The following CEP85L variants were observed in gnomAD, a reference collection of about 807,000 sequenced individuals.
CEP85L encodes centrosomal protein 85L.
Under a neutral mutation model 100.3 loss-of-function variants are expected in CEP85L, and 60 were observed. The ratio of observed to expected loss-of-function variants is 0.60; its 90% CI spans 0.49 to 0.74. The LOEUF is 0.74. CEP85L is among the 30% of genes least tolerant of loss of function. The probability of loss-of-function intolerance (pLI) is 0.00; values close to 1 mark genes in which losing one functional copy is unlikely to be tolerated. For missense variants in CEP85L, 973 were observed against 936.2 expected, an observed-to-expected ratio of 1.04 and a Z score of -0.51; for synonymous variants, 319 against 322.7, an observed-to-expected ratio of 0.99 and a Z score of 0.12.
intron 1 of CEP85L, among the ~76,000 whole-genome samples, chr6:118,649,052 G>A (rs1302860622): frequency 1.3e-5 from 2 of 151,990 alleles, no homozygotes; most frequent in Non-Finnish European, 2.9e-5. Flanking sequence ...TCAACTCAGA[G>A]GTCATTATCT....
chr6:118,539,750 C>A (rs1342745547), intron 3 of CEP85L, among the ~76,000 whole-genome samples: 2 of 151,862 alleles, frequency 1.3e-5, no homozygotes, highest in Admixed American at 1.3e-4. Context: ...TGCTCTCCCT[C>A]CCCCCAAAAA....
At chr6:118,511,223 T>C (rs1008277378) in intron 5 of CEP85L, 75 bp downstream of exon 5, 6 of 883,260 alleles carry the variant, frequency 6.8e-6, no homozygotes, top group African/African-American at 3.4e-5. Flanking sequence ...TAAAATGTCC[T>C]TATATTACAA....
chr6:118,574,795 T>C (rs1780121472), intron 2 of CEP85L, among the ~76,000 whole-genome samples: 1 of 152,188 alleles, frequency 6.6e-6, no homozygotes, highest in Non-Finnish European at 1.5e-5. Context: ...AGTGTGTGAA[T>C]GAGACATACA....
chr6:118,561,789 AG>A (rs943798247), intron 3 of CEP85L, among the ~76,000 whole-genome samples: 2 of 152,296 alleles, frequency 1.3e-5, no homozygotes, highest in African/African-American at 4.8e-5. Context: ...TTAATTTTAT[AG>A]GGGTTTTTTT....
chr6:118,576,125 T>C (rs1313977075), intron 2 of CEP85L, among the ~76,000 whole-genome samples: 3 of 152,130 alleles, frequency 2.0e-5, no homozygotes, highest in African/African-American at 7.2e-5. Flanking sequence ...ATCTAAAAAA[T>C]CACCTAACCA....
At chr6:118,646,099 C>T (rs1019494373) in intron 1 of CEP85L, among the ~76,000 whole-genome samples, 1 of 152,222 alleles carries the variant, frequency 6.6e-6, no homozygotes. Context: ...CGCCCGTAGT[C>T]CCAGCTACTC....
intron 5 of CEP85L, chr6:118,501,871 C>A: frequency 1.6e-6 from 2 of 1,287,784 alleles, no homozygotes; most frequent in Non-Finnish European, 1.1e-6. Flanking sequence ...TCAAGAGTCC[C>A]AGCAAAGAAA....
At chr6:118,588,141 C>T (rs979020701) in intron 2 of CEP85L, among the ~76,000 whole-genome samples, 6 of 152,136 alleles carry the variant, frequency 3.9e-5, no homozygotes, top group Non-Finnish European at 5.9e-5. Context: ...CTGAATACAT[C>T]GGACAAAGGG....
chr6:118,690,558 G>C (rs750070526), intron 1 of CEP85L, among the ~76,000 whole-genome samples: 1 of 152,238 alleles, frequency 6.6e-6, no homozygotes, highest in Admixed American at 6.5e-5. Context: ...GGCCCAACCA[G>C]TTATGTAACT....
At chr6:118,640,515 A>G (rs1235841682) in intron 1 of CEP85L, among the ~76,000 whole-genome samples, 1 of 152,074 alleles carries the variant, frequency 6.6e-6, no homozygotes, top group South Asian at 2.1e-4. Flanking sequence ...ATGAACATGT[A>G]AAGTTTTTTG....
intron 3 of CEP85L, among the ~76,000 whole-genome samples, chr6:118,563,730 C>A (rs758874539): frequency 6.6e-6 from 1 of 152,146 alleles, no homozygotes; most frequent in Non-Finnish European, 1.5e-5. Context: ...GGATTACAGG[C>A]GTGCGCTACA....
At chr6:118,676,900 A>G (rs142005891) in intron 1 of CEP85L, among the ~76,000 whole-genome samples, 202 of 152,210 alleles carry the variant, frequency 1.3e-3, no homozygotes, top group African/African-American at 4.5e-3. Context: ...GTGTAAGACG[A>G]TATCTCATTG....
chr6:118,610,795 G>C (rs560219843), intron 2 of CEP85L, among the ~76,000 whole-genome samples: 1 of 152,088 alleles, frequency 6.6e-6, no homozygotes, highest in African/African-American at 2.4e-5. Context: ...CAATGGGGGA[G>C]GGAGGGCACA....
chr6:118,674,972 G>A (rs1186850974), intron 1 of CEP85L, among the ~76,000 whole-genome samples: 1 of 152,112 alleles, frequency 6.6e-6, no homozygotes, highest in Middle Eastern at 3.2e-3. Flanking sequence ...ATTTACCCAA[G>A]AGAAATAACA....
At chr6:118,695,454 A>G (rs1777174368) in intron 1 of CEP85L, among the ~76,000 whole-genome samples, 2 of 152,200 alleles carry the variant, frequency 1.3e-5, no homozygotes, top group Non-Finnish European at 2.9e-5. Context: ...ACATGCACCA[A>G]TACTTTTTTA....
At chr6:118,629,952 C>A (rs1226964216) in intron 2 of CEP85L, among the ~76,000 whole-genome samples, 2 of 152,192 alleles carry the variant, frequency 1.3e-5, no homozygotes, top group Non-Finnish European at 2.9e-5. Context: ...ACACCCCCTC[C>A]TGTTTTTATA....
rs142181741 is a variant in CEP85L, at chr6:118,645,330, A to G, written c.73+5867T>C. 3.8e-3 allele frequency among the ~76,000 whole-genome samples: 585 copies of G among 152,242 alleles called. 4 individuals carry two copies. Among genetic ancestry groups the G allele is most frequent in the African/African-American group, 0.013 (542 of 41,562 alleles). On this transcript the variant is annotated intron_variant, in intron 1 of 12. Transcript: ENST00000368491. ...TCTTTTCCTCTTAGTACTTAACACT[A>G]GCTGCATCATCTCACTATCTGTTTA...
chr6:118,474,068 G>A (rs1454601869), intron 10 of CEP85L, among the ~76,000 whole-genome samples: 2 of 152,100 alleles, frequency 1.3e-5, no homozygotes, highest in African/African-American at 4.8e-5. Flanking sequence ...TTTGCTTCTA[G>A]CATGACAGTG....
At chr6:118,533,036 T>C (rs13437314) in intron 3 of CEP85L, among the ~76,000 whole-genome samples, 4,399 of 152,078 alleles carry the variant, frequency 0.029, 108 homozygotes, top group African/African-American at 0.056. Context: ...ACTAAGCAGT[T>C]ATATTAGAAA....
Sources: allele counts gnomAD v4.1 joint callset (sites outside exome capture counted in the v4.1 genomes callset), GRCh38; gene constraint gnomAD v4.1.1; transcripts MANE v1.5; gene names NCBI Gene and HGNC (gene_info 2026-07-23, HGNC 2026-07-21).